The following GDF6 variants were observed in gnomAD, a reference collection of about 807,000 sequenced individuals.
GDF6 encodes growth/differentiation factor 6.
GDF6 carries 3 observed loss-of-function variants against 32.4 expected under a neutral mutation model. The ratio of observed to expected loss-of-function variants is 0.09; its 90% CI spans 0.04 to 0.24. The LOEUF (loss-of-function observed/expected upper bound fraction) is 0.24, where lower values mean the gene tolerates loss of function less well. Ranked by LOEUF, GDF6 falls within the 10% of genes least tolerant of loss-of-function variation. The probability of loss-of-function intolerance (pLI) is 1.00; values close to 1 mark genes in which losing one functional copy is unlikely to be tolerated. For synonymous variants in GDF6, 296 were observed against 295.3 expected (o/e 1.00, Z -0.03); for missense variants, 589 against 637.9 (o/e 0.92, Z 0.83).
intron 1 of GDF6, among the ~76,000 whole-genome samples, chr8:96,159,818 C>T (rs1212475771): frequency 6.6e-5 from 10 of 152,258 alleles, no homozygotes; most frequent in Non-Finnish European, 1.5e-5. Context: ...GACTGTGGGA[C>T]TCCCTAGTGC....
chr8:96,155,541 G>A (rs1280082688), intron 1 of GDF6, among the ~76,000 whole-genome samples: 6 of 152,190 alleles, frequency 3.9e-5, no homozygotes, highest in Non-Finnish European at 7.3e-5. Context: ...GAGGAGGACC[G>A]TGAGCCTGGA....
chr8:96,145,564 G>A lies in GDF6; in HGVS notation c.407-40C>T, dbSNP rs11783820. On this transcript the variant is annotated intron_variant, in intron 1 of 1. Transcript: ENST00000287020. This position sits in a 1 kb window ranked among gnomAD's most constrained non-coding sequence, Gnocchi z 5.6. ...ATAATTACAGTCAGTTTCACTTAAG[G>A]GGGAGATCAGCCCGGTGCTCTTCGG... is the stretch of plus-strand genomic sequence containing the variant. 7 of 1,596,724 alleles carry A rather than the reference G, an allele frequency of 4.4e-6. No homozygotes were observed. The Admixed American group carries it at 8.3e-5, about 19-fold the overall frequency.
At chr8:96,147,024 C>CA (rs1277525856) in intron 1 of GDF6, among the ~76,000 whole-genome samples, 1 of 152,134 alleles carries the variant, frequency 6.6e-6, no homozygotes, top group Non-Finnish European at 1.5e-5. Flanking sequence ...CCAGCAAATA[C>CA]AAAAATCCCC....
At chr8:96,157,138 T>C (rs1258986289) in intron 1 of GDF6, among the ~76,000 whole-genome samples, 2 of 152,212 alleles carry the variant, frequency 1.3e-5, no homozygotes, top group African/African-American at 2.4e-5. Flanking sequence ...AAATTTTCAA[T>C]AAATCGTGGT....
chr8:96,159,994 T>C (rs565481329), intron 1 of GDF6, among the ~76,000 whole-genome samples: 6 of 151,890 alleles, frequency 4.0e-5, no homozygotes, highest in Admixed American at 3.9e-4. Context: ...TCCTCCACGT[T>C]TCCCCCACCA....
intron 1 of GDF6, among the ~76,000 whole-genome samples, chr8:96,146,681 T>TACACAC (rs370283680): frequency 6.2e-5 from 9 of 146,296 alleles, no homozygotes; most frequent in East Asian, 2.0e-4. Flanking sequence ...GACAATTAGA[T>TACACAC]ACACACACAC....
chr8:96,160,638 C>G lies in GDF6; in HGVS notation c.55G>C (p.Asp19His). Residue 19 changes from aspartate to histidine, a missense_variant, in exon 1 of 2, where the codon GAT becomes CAT. Transcript: ENST00000287020. ...GAAGCCTGCTGGAAACCGGGCAAAT[C>G]CCACAGAAAACTGATGAGGAAGACG... Reference protein sequence around the residue: ...SAVFLISFLWDLPGFQQASIS... With the variant: ...SAVFLISFLWHLPGFQQASIS... 6.2e-7 allele frequency: 1 copy of G among 1,613,728 alleles called. No homozygotes were observed. Among genetic ancestry groups the G allele is most frequent in the Non-Finnish European group, 8.5e-7 (1 of 1,179,676 alleles).
In GDF6 at chr8:96,144,093, T is replaced by C. The variant is rs922633014; in HGVS notation, c.*470A>G. ...TAAAAACCAACCAAATCAAGATGCG[T>C]CAACGGTGATTCTTCCTCCCACATT... On this transcript the variant is annotated 3_prime_UTR_variant, in exon 2 of 2. Transcript: ENST00000287020. This position sits in a 1 kb window ranked among gnomAD's most constrained non-coding sequence, Gnocchi z 5.1. 3.7e-5 allele frequency: 7 copies of C among 188,494 alleles called. No homozygotes were observed. The Admixed American group carries it at 3.7e-4, about 10-fold the overall frequency. The allele number at this position is 188,494 out of a possible 1,614,324, so 11.7% of individuals were successfully genotyped here. A position where few individuals can be genotyped will look rare whatever the true frequency, so the allele number is the denominator to read the frequency against.
chr8:96,144,290 GAAAAC>G lies in GDF6; in HGVS notation c.*268_*272del. ...AGAGAGAGAGAGAGAGAGAGAGAGA[GAAAAC>G]AGAACAAAAGAAATCCTCCTTGGCT... On this transcript the variant is annotated 3_prime_UTR_variant, in exon 2 of 2. Coordinates refer to ENST00000287020, the MANE Select transcript of GDF6 (RefSeq NM_001001557.4). The surrounding 1 kb of genome is among the most constrained non-coding windows in gnomAD (Gnocchi z 5.1). 3 of 439,240 alleles carry G rather than the reference GAAAAC, an allele frequency of 6.8e-6. No homozygotes were observed. The highest frequency in any genetic ancestry group is 3.1e-5 in the African/African-American group (1 of 31,780). The allele number at this position is 439,240 out of a possible 1,614,324, so 27.2% of individuals were successfully genotyped here.
Position 96,144,374 on chromosome 8 carries a change from TG to T in GDF6, c.*188del. ...TGAAAATCCATATTTCCCTCTGGGC[TG>T]GCAGGTAGAAGTTACTGGGAAGGCT... On this transcript the variant is annotated 3_prime_UTR_variant, in exon 2 of 2. Transcript: ENST00000287020. The surrounding 1 kb of genome is among the most constrained non-coding windows in gnomAD (Gnocchi z 5.1). 1 of 635,004 alleles carries T rather than the reference TG, an allele frequency of 1.6e-6. No individual in the cohort carries two copies. The highest frequency in any genetic ancestry group is 1.9e-5 in the South Asian group (1 of 51,448). The allele number at this position is 635,004 out of a possible 1,614,324, so 39.3% of individuals were successfully genotyped here.
chr8:96,158,675 T>C (rs962422699), intron 1 of GDF6, among the ~76,000 whole-genome samples: 1 of 152,184 alleles, frequency 6.6e-6, no homozygotes, highest in Non-Finnish European at 1.5e-5. Context: ...GTAGAGAAAG[T>C]GCACGATTAA....
intron 1 of GDF6, among the ~76,000 whole-genome samples, chr8:96,152,002 A>G (rs1447409936): frequency 6.6e-6 from 1 of 152,190 alleles, no homozygotes; most frequent in Non-Finnish European, 1.5e-5. Context: ...TTCTGTGACT[A>G]CTTACATCTT....
chr8:96,145,587 C>A lies in GDF6; in HGVS notation c.407-63G>T. The A allele has an allele frequency of 6.3e-7, 1 of 1,590,756 alleles. No homozygotes were observed. The highest frequency in any genetic ancestry group is 8.5e-7 in the Non-Finnish European group (1 of 1,175,516). ...AGGGGGAGATCAGCCCGGTGCTCTTCGGCCGCCCCGGGAGGAAAAGGGCGG... is the reference window on the plus strand; with the variant it reads ...AGGGGGAGATCAGCCCGGTGCTCTTAGGCCGCCCCGGGAGGAAAAGGGCGG... On this transcript the variant is annotated intron_variant, in intron 1 of 1. Transcript: ENST00000287020. This position sits in a 1 kb window ranked among gnomAD's most constrained non-coding sequence, Gnocchi z 5.6.
intron 1 of GDF6, among the ~76,000 whole-genome samples, chr8:96,158,316 A>C (rs963557915): frequency 6.6e-6 from 1 of 151,196 alleles, no homozygotes; most frequent in South Asian, 2.1e-4. Flanking sequence ...AGTGGCGGGG[A>C]TGGGGGTGGG....
intron 1 of GDF6, among the ~76,000 whole-genome samples, chr8:96,158,678 A>G (rs1226894981): frequency 1.3e-5 from 2 of 152,196 alleles, no homozygotes; most frequent in African/African-American, 4.8e-5. Flanking sequence ...GAGAAAGTGC[A>G]CGATTAACAG....
At chr8:96,154,282 C>A (rs28495281) in intron 1 of GDF6, among the ~76,000 whole-genome samples, 2,476 of 152,248 alleles carry the variant, frequency 0.016, 71 homozygotes, top group African/African-American at 0.056. Context: ...GCCGCGCGCG[C>A]TTCCCTAGGA....
At chr8:96,146,293 ACTGT>A (rs1285251101) in intron 1 of GDF6, among the ~76,000 whole-genome samples, 1 of 151,698 alleles carries the variant, frequency 6.6e-6, no homozygotes, top group Non-Finnish European at 1.5e-5. Flanking sequence ...CTATTGAATC[ACTGT>A]CTAAGGACAG....
chr8:96,147,831 GCTAGGAATAAAAT>G (rs1812509386), intron 1 of GDF6, among the ~76,000 whole-genome samples: 1 of 152,220 alleles, frequency 6.6e-6, no homozygotes, highest in African/African-American at 2.4e-5. Context: ...TGCAGGGCTT[GCTAGGAATAAAAT>G]CTAGGCTCCC....
chr8:96,152,232 A>T (rs375970141), intron 1 of GDF6, among the ~76,000 whole-genome samples: 18 of 152,280 alleles, frequency 1.2e-4, no homozygotes, highest in African/African-American at 4.3e-4. Flanking sequence ...CATCATCCCG[A>T]TTCTTCTCAG....
Sources: allele counts gnomAD v4.1 joint callset (sites outside exome capture counted in the v4.1 genomes callset), GRCh38; gene constraint gnomAD v4.1.1; non-coding constraint Gnocchi (gnomAD v3.1); transcripts MANE v1.5; gene names NCBI Gene and HGNC (gene_info 2026-07-23, HGNC 2026-07-21).